SFXN4: variants seen among roughly 807,000 people sequenced by gnomAD.
SFXN4 encodes the protein sideroflexin 4.
SFXN4 carries 48 observed loss-of-function variants against 54.6 expected under a neutral mutation model. The observed-to-expected ratio is 0.88, with a 90% confidence interval of 0.70 to 1.12. The LOEUF (loss-of-function observed/expected upper bound fraction) is 1.12, where lower values mean the gene tolerates loss of function less well. SFXN4 is among the 50% of genes most tolerant of loss of function. The pLI is 0.00. For missense variants in SFXN4, 383 were observed against 409.2 expected (o/e 0.94, Z 0.55); for synonymous variants, 130 against 145.5 (o/e 0.89, Z 0.77).
Position 119,158,062 on chromosome 10 carries a change from C to G in SFXN4, c.361G>C (p.Val121Leu), listed in dbSNP as rs1450842460. The G allele has an allele frequency of 6.2e-7, 1 of 1,613,870 alleles. No individual in the cohort carries two copies. The highest frequency in any genetic ancestry group is 8.5e-7 in the Non-Finnish European group (1 of 1,179,790). Residue 121 changes from valine to leucine, a missense_variant and splice_region_variant, in exon 7 of 14, where the codon GTA becomes CTA. Val to Leu is a conservative substitution (Grantham distance 32). Coordinates refer to ENST00000355697, the MANE Select transcript of SFXN4 (RefSeq NM_213649.2). ...AAFLPFMAPTVFLSMTPLKGI... is the reference protein window; with the variant it reads ...AAFLPFMAPTLFLSMTPLKGI... Reference sequence around the variant, plus strand: ...TTCAGTGGCGTCATTGACAAAAATACCTTTTAAGAAGACAGTGGAACAGAG... The same window carrying G: ...TTCAGTGGCGTCATTGACAAAAATAGCTTTTAAGAAGACAGTGGAACAGAG...
intron 2 of SFXN4, 60 bp downstream of exon 2, chr10:119,164,071 C>T (rs1847665115): frequency 2.6e-6 from 2 of 766,510 alleles, no homozygotes; most frequent in South Asian, 1.6e-5. Flanking sequence ...AAAAGGGACA[C>T]ACAGACTTCA....
chr10:119,142,989 CCCAAAGTGCTGGGATTACAGG>C (rs1846615044), intron 13 of SFXN4, among the ~76,000 whole-genome samples: 1 of 152,136 alleles, frequency 6.6e-6, no homozygotes, highest in Admixed American at 6.6e-5. Context: ...GCCTCGGCCT[CCCAAAGTGCTGGGATTACAGG>C]CATGAGCCAC....
At chr10:119,146,137 T>C in intron 13 of SFXN4, 99 bp downstream of exon 13, 1 of 725,752 alleles carries the variant, frequency 1.4e-6, no homozygotes, top group Non-Finnish European at 2.3e-6. Flanking sequence ...TATTTTATAT[T>C]TTTATAAACT....
intron 3 of SFXN4, 67 bp from the exon 4 acceptor site, chr10:119,161,148 T>G: frequency 6.5e-7 from 1 of 1,540,092 alleles, no homozygotes; most frequent in East Asian, 2.3e-5. Flanking sequence ...GGTCTTGCTC[T>G]GTCACCCAGG....
chr10:119,164,237 G>GA (rs1395098731), intron 1 of SFXN4, 41 bp from the exon 2 acceptor site: 4 of 1,038,492 alleles, frequency 3.9e-6, no homozygotes, highest in Non-Finnish European at 5.6e-6. Context: ...AATGGCAGCA[G>GA]AAAAATAAAG....
In SFXN4 at chr10:119,165,620, G is replaced by C. The variant is rs1470590584; in HGVS notation, c.28C>G (p.Gln10Glu). ...CTGCGTCCTAGGAGCCGCCCAGGTT[G>C]CGTTTCCTCCTCCTGTTCCAGGGAC... MSLEQEEET[Q>E]PGRLLGRRDA... Residue 10 changes from glutamine (Q) to glutamate (E), a missense_variant, in exon 1 of 14, where the codon CAA (glutamine) becomes GAA (glutamate). Transcript: ENST00000355697. The C allele has an allele frequency of 6.3e-7, 1 of 1,592,568 alleles. No individual in the cohort carries two copies. Among genetic ancestry groups the C allele is most frequent in the Non-Finnish European group, 8.5e-7 (1 of 1,171,570 alleles).
intron 11 of SFXN4, among the ~76,000 whole-genome samples, chr10:119,149,396 T>C (rs1416854255): frequency 6.6e-6 from 1 of 152,132 alleles, no homozygotes; most frequent in Non-Finnish European, 1.5e-5. Flanking sequence ...TGGTTCCCTC[T>C]GCAGGGAATG....
chr10:119,156,925 C>A (rs1847300429), intron 9 of SFXN4, among the ~76,000 whole-genome samples, 169 bp from the exon 10 acceptor site: 1 of 152,128 alleles, frequency 6.6e-6, no homozygotes, highest in Non-Finnish European at 1.5e-5. Flanking sequence ...TCTCCCTGTT[C>A]ATCTAAGGAG....
chr10:119,162,552 T>C (rs1255124976), intron 2 of SFXN4, 138 bp from the exon 3 acceptor site: 1 of 680,164 alleles, frequency 1.5e-6, no homozygotes. Flanking sequence ...CATGGTGCCC[T>C]AGGCTCTCTA....
chr10:119,165,316 T>C, intron 1 of SFXN4: 1 of 1,262,644 alleles, frequency 7.9e-7, no homozygotes, highest in Non-Finnish European at 1.0e-6. Flanking sequence ...GAGGGTGACG[T>C]TGTGGTCGTG....
intron 11 of SFXN4, among the ~76,000 whole-genome samples, chr10:119,151,987 T>A (rs572720830): frequency 5.9e-5 from 9 of 151,964 alleles, no homozygotes; most frequent in South Asian, 2.1e-4. Flanking sequence ...GCTAATTTTT[T>A]AAAAATTTTT....
In SFXN4 at chr10:119,157,870, C is replaced by G. The variant is rs367932369; in HGVS notation, c.471+1G>C. ...CACTCTCTGGGTCTCATAATACTCA[C>G]GTAACTTCTGTTTCCATTGATGCTG... On this transcript the variant is annotated splice_donor_variant, in intron 8 of 13. Coordinates refer to ENST00000355697, the MANE Select transcript of SFXN4 (RefSeq NM_213649.2). LOFTEE classifies it high-confidence loss of function. The G allele has an allele frequency of 6.2e-7, 1 of 1,614,176 alleles. No homozygotes were observed. The highest frequency in any genetic ancestry group is 1.1e-5 in the South Asian group (1 of 91,086).
Position 119,155,163 on chromosome 10 carries a change from T to G in SFXN4, c.631A>C (p.Met211Leu). Residue 211 changes from methionine to leucine, a missense_variant, in exon 11 of 14, where the codon ATG becomes CTG. Met to Leu is a conservative substitution (Grantham distance 15). Transcript: ENST00000355697. ...PVIFLVQASGMNVYMSRSLES... is the reference protein window; with the variant it reads ...PVIFLVQASGLNVYMSRSLES... ...AGACTTCGGGACATGTAGACATTCA[T>G]TCCACTGGCTTGCACTGTAGATGTA... 1 of 1,613,364 alleles carries G rather than the reference T, an allele frequency of 6.2e-7. No homozygotes were observed. Among genetic ancestry groups the G allele is most frequent in the South Asian group, 1.1e-5 (1 of 91,070 alleles).
intron 12 of SFXN4, 107 bp from the exon 13 acceptor site, chr10:119,146,460 T>TGTGTGCGCGCGCGCGCGC (rs141608372): frequency 1.8e-6 from 1 of 549,006 alleles, no homozygotes; most frequent in Admixed American, 2.8e-5. Context: ...TGTGTGTGTG[T>TGTGTGCGCGCGCGCGCGC]GCACGTGTGT....
rs2133556349 is a variant in SFXN4, at chr10:119,140,910, G to A, written c.*332C>T. On this transcript the variant is annotated 3_prime_UTR_variant, in exon 14 of 14. Transcript: ENST00000355697. ...CTGTGTCCTGGGCACGGTGGACTCT[G>A]TGTTCTTTCTTCAAATCCTCAACTT... is the stretch of plus-strand genomic sequence containing the variant. The A allele has an allele frequency of 4.5e-6, 1 of 223,464 alleles. No individual in the cohort carries two copies. The highest frequency in any genetic ancestry group is 1.1e-4 in the East Asian group (1 of 9,028). The allele number at this position is 223,464 out of a possible 1,614,324, so 13.8% of individuals were successfully genotyped here.
At chr10:119,160,756 G>A (rs1249812858) in intron 5 of SFXN4, among the ~76,000 whole-genome samples, 159 bp downstream of exon 5, 1 of 151,628 alleles carries the variant, frequency 6.6e-6, no homozygotes, top group Non-Finnish European at 1.5e-5. Context: ...CCACCACAAT[G>A]CCCAACTAAT....
At position 119,165,654 on chromosome 10, in the gene SFXN4, C is replaced by G. The variant is rs1011572565; in HGVS notation, c.-7G>C. ...CCTCCTGTTCCAGGGACATTTTGCG[C>G]TGGTTAGAGTGGCCGCCGCCGCCAG... On this transcript the variant is annotated 5_prime_UTR_variant, in exon 1 of 14. Transcript: ENST00000355697. The G allele has an allele frequency of 1.3e-6, 2 of 1,575,690 alleles. No individual in the cohort carries two copies. Among genetic ancestry groups the G allele is most frequent in the African/African-American group, 1.4e-5 (1 of 71,102 alleles).
rs1589636808 is a variant in SFXN4 at position 119,154,102 on chromosome 10, CAGGAA to C, written c.732+955_732+959del. 5.3e-5 allele frequency among the ~76,000 whole-genome samples: 8 copies of C among 151,512 alleles called. No individual in the cohort carries two copies. The East Asian group carries it at 1.6e-3, about 30-fold the overall frequency. ...CTGAGGGAGGAGAATCGCTTGAACC[CAGGAA>C]GCGGAGGTTGCAGTGAGCTGAGATC... On this transcript the variant is annotated intron_variant, in intron 11 of 13. Transcript: ENST00000355697.
At chr10:119,156,870 C>T (rs919359052) in intron 9 of SFXN4, 114 bp from the exon 10 acceptor site, 35 of 691,680 alleles carry the variant, frequency 5.1e-5, no homozygotes, top group Non-Finnish European at 7.9e-5. Flanking sequence ...AGACCACTGC[C>T]AGTGCTCTTC....
Sources: gnomAD v4.1 joint callset for allele counts (sites outside exome capture counted in the v4.1 genomes callset) on GRCh38, gnomAD v4.1.1 for gene constraint, MANE v1.5 for transcripts, NCBI Gene and HGNC (gene_info 2026-07-23, HGNC 2026-07-21) for gene names.